Variants in SCARA5 observed in about 807,000 individuals in gnomAD.
The protein encoded by SCARA5 is scavenger receptor class A member 5.
SCARA5 carries 45 observed loss-of-function variants against 46.3 expected under a neutral mutation model. The observed-to-expected ratio is 0.97, with a 90% confidence interval of 0.76 to 1.24. The LOEUF is 1.24. SCARA5 is among the 50% of genes most tolerant of loss of function. The probability of loss-of-function intolerance (pLI) is 0.00; values close to 1 mark genes in which losing one functional copy is unlikely to be tolerated. For synonymous variants in SCARA5, 333 were observed against 306.5 expected (o/e 1.09, Z -0.90); for missense variants, 680 against 689.0 (o/e 0.99, Z 0.15).
rs548827187 is a variant in SCARA5, at chr8:27,919,894, T to C, written c.916+1677A>G. On this transcript the variant is annotated intron_variant, in intron 4 of 8. Coordinates refer to ENST00000354914, the MANE Select transcript of SCARA5 (RefSeq NM_173833.6). ...AACTGGCACAGTAGGTAACACATAC[T>C]AGATGCTCGCAATGGTATTATTTGT... is the stretch of plus-strand genomic sequence containing the variant. 2.7e-5 allele frequency among the ~76,000 whole-genome samples: 4 copies of C among 148,784 alleles called. No individual in the cohort carries two copies. In the East Asian group the frequency reaches 7.8e-4, roughly 29 times the overall value.
intron 6 of SCARA5, among the ~76,000 whole-genome samples, chr8:27,906,065 AC>A (rs1017302636): frequency 2.0e-5 from 3 of 152,220 alleles, no homozygotes; most frequent in African/African-American, 7.2e-5. Flanking sequence ...TTTAAAATCA[AC>A]TTTTTAAAAT....
intron 7 of SCARA5, among the ~76,000 whole-genome samples, chr8:27,901,233 C>G (rs17390967): frequency 0.22 from 34,162 of 152,124 alleles, 4,013 homozygotes; most frequent in Middle Eastern, 0.3. Flanking sequence ...TCTCACCAGT[C>G]CCTTTTGCAC....
At chr8:27,986,389 A>G (rs1808705330) in intron 2 of SCARA5, among the ~76,000 whole-genome samples, 1 of 152,226 alleles carries the variant, frequency 6.6e-6, no homozygotes, top group African/African-American at 2.4e-5. Context: ...TTCCCATGCC[A>G]GCCTCTTCTA....
rs1037722535 is a variant in SCARA5, at chr8:27,882,916, A to G, written c.1154-3150T>C. Among the ~76,000 whole-genome samples, 7 of 152,190 alleles carry G rather than the reference A, an allele frequency of 4.6e-5. No individual in the cohort carries two copies. In the South Asian group the frequency reaches 1.4e-3, roughly 32 times the overall value. Reference sequence around the variant, plus strand: ...AGGCCCTTTCGACCTGAATGACCTTAAGGTAGCCTCACAACCTCTCTAAAG... The same window carrying G: ...AGGCCCTTTCGACCTGAATGACCTTGAGGTAGCCTCACAACCTCTCTAAAG... On this transcript the variant is annotated intron_variant, in intron 7 of 8. Coordinates refer to ENST00000354914, the MANE Select transcript of SCARA5 (RefSeq NM_173833.6).
At chr8:27,987,364 A>G (rs747070333) in intron 2 of SCARA5, 140 bp downstream of exon 2, 1 of 652,306 alleles carries the variant, frequency 1.5e-6, no homozygotes, top group Non-Finnish European at 2.8e-6. Context: ...GACCTTTTAA[A>G]GCATAAAGTT....
intron 8 of SCARA5, among the ~76,000 whole-genome samples, chr8:27,873,213 A>T: frequency 6.6e-6 from 1 of 152,134 alleles, no homozygotes; most frequent in Non-Finnish European, 1.5e-5. Flanking sequence ...CTAGGTTCCC[A>T]CGCCGCCCCT....
intron 5 of SCARA5, among the ~76,000 whole-genome samples, chr8:27,907,813 G>T (rs1807292391): frequency 6.6e-6 from 1 of 152,076 alleles, no homozygotes; most frequent in Non-Finnish European, 1.5e-5. Context: ...CAAGTGATCT[G>T]CCTGCCTCGG....
intron 7 of SCARA5, among the ~76,000 whole-genome samples, chr8:27,901,426 C>T (rs1807152211): frequency 6.6e-6 from 1 of 152,126 alleles, no homozygotes. Context: ...TTTTTTCCCA[C>T]CCCGTAGATC....
At chr8:27,880,312 G>C (rs6988187) in intron 7 of SCARA5, among the ~76,000 whole-genome samples, 22,472 of 151,096 alleles carry the variant, frequency 0.15, 2,257 homozygotes, top group African/African-American at 0.3. Flanking sequence ...ATGACTAAGT[G>C]CTCAAAAGCA....
At chr8:27,939,704 C>T (rs559358977) in intron 3 of SCARA5, among the ~76,000 whole-genome samples, 51 of 152,270 alleles carry the variant, frequency 3.3e-4, no homozygotes, top group African/African-American at 1.2e-3. Context: ...AGCTAATATT[C>T]GTGGGAGTCT....
At chr8:27,888,742 A>G (rs1321962620) in intron 7 of SCARA5, among the ~76,000 whole-genome samples, 1 of 152,202 alleles carries the variant, frequency 6.6e-6, no homozygotes, top group Non-Finnish European at 1.5e-5. Flanking sequence ...CCTGTGACCA[A>G]GGTTCTTCCC....
At chr8:27,930,161 T>C (rs1249698864) in intron 3 of SCARA5, among the ~76,000 whole-genome samples, 2 of 152,160 alleles carry the variant, frequency 1.3e-5, no homozygotes, top group Non-Finnish European at 1.5e-5. Flanking sequence ...CATCTTGAAT[T>C]GTATCTCCCA....
At chr8:27,919,255 A>G (rs1440586507) in intron 4 of SCARA5, among the ~76,000 whole-genome samples, 14 of 151,462 alleles carry the variant, frequency 9.2e-5, no homozygotes, top group Non-Finnish European at 2.1e-4. Flanking sequence ...GAGGAAGAGA[A>G]AGAGGAGAAG....
At chr8:27,987,765 C>T in intron 1 of SCARA5, 135 bp from the exon 2 acceptor site, 1 of 612,424 alleles carries the variant, frequency 1.6e-6, no homozygotes, top group Non-Finnish European at 2.9e-6. Context: ...AACACCGGGA[C>T]CCTCTGCTCA....
rs2129815951 is a variant in SCARA5 at position 27,922,056 on chromosome 8, C to A, written c.431G>T (p.Gly144Val). Residue 144 changes from glycine (G) to valine (V), a missense_variant, in exon 4 of 9, where the codon GGC becomes GTC. Coordinates refer to ENST00000354914, the MANE Select transcript of SCARA5 (RefSeq NM_173833.6). Reference protein sequence around the residue: ...NQSDSLLALAGAVQRLEGALW... With the variant: ...NQSDSLLALAVAVQRLEGALW... ...CGCGCCCTCCAGCCGCTGCACTGCG[C>A]CCGCCAGCGCCAGCAACGAGTCTGA... 1.3e-6 allele frequency: 2 copies of A among 1,586,348 alleles called. No homozygotes were observed. Among genetic ancestry groups the A allele is most frequent in the East Asian group, 2.3e-5 (1 of 43,496 alleles).
At chr8:27,918,084 A>G (rs1033617325) in intron 4 of SCARA5, among the ~76,000 whole-genome samples, 5 of 152,224 alleles carry the variant, frequency 3.3e-5, no homozygotes, top group Admixed American at 2.0e-4. Flanking sequence ...ATCCAGGTGG[A>G]CTGTGGGTAA....
At chr8:27,935,777 G>A (rs1007686437) in intron 3 of SCARA5, among the ~76,000 whole-genome samples, 2 of 152,114 alleles carry the variant, frequency 1.3e-5, no homozygotes, top group Non-Finnish European at 2.9e-5. Flanking sequence ...GGGAGAGCAG[G>A]GTAAGTGGGT....
chr8:27,943,356 T>C (rs1807981752), intron 3 of SCARA5, among the ~76,000 whole-genome samples: 1 of 152,050 alleles, frequency 6.6e-6, no homozygotes, highest in South Asian at 2.1e-4. Flanking sequence ...GGTGGGAGGA[T>C]CACCTGAGCC....
intron 4 of SCARA5, among the ~76,000 whole-genome samples, chr8:27,910,828 C>T (rs1807361224): frequency 6.6e-6 from 1 of 152,220 alleles, no homozygotes; most frequent in Non-Finnish European, 1.5e-5. Context: ...TCTAATCTCT[C>T]CCGAGTGGGG....
Sources: allele counts gnomAD v4.1 joint callset (sites outside exome capture counted in the v4.1 genomes callset), GRCh38; gene constraint gnomAD v4.1.1; transcripts MANE v1.5; gene names NCBI Gene and HGNC (gene_info 2026-07-23, HGNC 2026-07-21).